The following ZC3H12B variants were observed in gnomAD, a reference collection of about 807,000 sequenced individuals.
The protein encoded by ZC3H12B is zinc finger CCCH-type containing 12B, also known as probable ribonuclease ZC3H12B.
A neutral mutation model predicts 43.9 loss-of-function variants in ZC3H12B; 7 were observed. That is an observed-to-expected ratio of 0.16 (90% CI 0.09 to 0.30). The LOEUF is 0.30. ZC3H12B is among the 10% of genes least tolerant of loss of function. The probability of loss-of-function intolerance (pLI) is 1.00; values close to 1 mark genes in which losing one functional copy is unlikely to be tolerated. For missense variants in ZC3H12B, 475 were observed against 670.2 expected (o/e 0.71, Z 3.22); for synonymous variants, 222 against 241.7 (o/e 0.92, Z 0.76).
At chrX:65,163,757 C>T in the ZC3H12B span, among the ~76,000 whole-genome samples, 7 of 111,589 alleles carry the variant, frequency 6.3e-5, no homozygotes, top group East Asian at 2.8e-4. Flanking sequence ...CTTCAGCTCA[C>T]GCATGTTGCA....
At chrX:65,433,937 C>A (rs1354879493) in intron 3 of ZC3H12B, among the ~76,000 whole-genome samples, 1 of 111,612 alleles carries the variant, frequency 9.0e-6, no homozygotes, top group African/African-American at 3.3e-5. Context: ...TGGAAGTTTT[C>A]TCCTCGTATT....
At chrX:65,332,703 C>T in the ZC3H12B span, among the ~76,000 whole-genome samples, 1 of 111,685 alleles carries the variant, frequency 9.0e-6, no homozygotes, top group Non-Finnish European at 1.9e-5. Context: ...AAAAAAGAAA[C>T]TCAAAAACAA....
At chrX:65,102,123 A>G in the ZC3H12B span, among the ~76,000 whole-genome samples, 1 of 111,916 alleles carries the variant, frequency 8.9e-6, no homozygotes, top group Non-Finnish European at 1.9e-5. Flanking sequence ...AACAGAACCA[A>G]TGAGAAAAAC....
chrX:65,264,809 A>G, the ZC3H12B span, among the ~76,000 whole-genome samples: 1 of 111,836 alleles, frequency 8.9e-6, no homozygotes, highest in Non-Finnish European at 1.9e-5. Context: ...GTCTGCTGGT[A>G]GAATTAGTTG....
the ZC3H12B span, among the ~76,000 whole-genome samples, chrX:65,110,350 A>T: frequency 9.1e-6 from 1 of 109,655 alleles, no homozygotes; most frequent in African/African-American, 3.3e-5. Context: ...GTTAAGTCTA[A>T]AAATTCTGCC....
At chrX:65,250,243 A>C in the ZC3H12B span, among the ~76,000 whole-genome samples, 1 of 111,329 alleles carries the variant, frequency 9.0e-6, no homozygotes, top group Non-Finnish European at 1.9e-5. Flanking sequence ...AGCTTCATCC[A>C]TGTCCCTACA....
At chrX:65,174,115 C>T in the ZC3H12B span, among the ~76,000 whole-genome samples, 3 of 111,193 alleles carry the variant, frequency 2.7e-5, no homozygotes. Context: ...CCTCTGGAAT[C>T]TTCATCCCAG....
chrX:65,404,599 G>A (rs761824258), intron 3 of ZC3H12B, among the ~76,000 whole-genome samples: 3 of 111,506 alleles, frequency 2.7e-5, no homozygotes, highest in Non-Finnish European at 5.7e-5. Context: ...ACTATAAGAA[G>A]AGACAAAGAA....
chrX:65,195,081 A>G, the ZC3H12B span, among the ~76,000 whole-genome samples: 3 of 98,271 alleles, frequency 3.1e-5, no homozygotes, highest in African/African-American at 1.2e-4. Flanking sequence ...GTTGTAGTGA[A>G]CAGATCATTG....
chrX:65,151,035 T>C, the ZC3H12B span, among the ~76,000 whole-genome samples: 1 of 112,349 alleles, frequency 8.9e-6, no homozygotes, highest in Non-Finnish European at 1.9e-5. Context: ...GCATTTGTTA[T>C]TGAATGTTTT....
chrX:65,413,003 G>A (rs2066921871), intron 3 of ZC3H12B, among the ~76,000 whole-genome samples: 1 of 110,592 alleles, frequency 9.0e-6, no homozygotes, highest in Non-Finnish European at 1.9e-5. Flanking sequence ...GAGTGAAGTT[G>A]TACTCTATTG....
chrX:65,342,837 CAA>C, the ZC3H12B span, among the ~76,000 whole-genome samples: 10 of 55,522 alleles, frequency 1.8e-4, no homozygotes, highest in Non-Finnish European at 1.7e-4. Flanking sequence ...GAGACTGAGA[CAA>C]AAAAAAAAAA....
chrX:65,129,275 A>G, the ZC3H12B span, among the ~76,000 whole-genome samples: 2 of 92,734 alleles, frequency 2.2e-5, no homozygotes, highest in Middle Eastern at 5.1e-3. Context: ...ATATATATAC[A>G]TATATACACA....
At chrX:65,150,140 C>T in the ZC3H12B span, among the ~76,000 whole-genome samples, 1 of 110,917 alleles carries the variant, frequency 9.0e-6, no homozygotes, top group Non-Finnish European at 1.9e-5. Context: ...CTCTTTTCCC[C>T]TTCCTTTCCT....
chrX:65,209,849 A>G, the ZC3H12B span, among the ~76,000 whole-genome samples: 1 of 99,678 alleles, frequency 1.0e-5, no homozygotes, highest in African/African-American at 4.1e-5. Flanking sequence ...TGGTGCTGGG[A>G]AAACTGGCTA....
intron 2 of ZC3H12B, among the ~76,000 whole-genome samples, chrX:65,377,466 C>T (rs1484461123): frequency 1.8e-5 from 2 of 110,087 alleles, no homozygotes; most frequent in African/African-American, 6.6e-5. Flanking sequence ...CCCCAAGGCA[C>T]TTAATAATCA....
the ZC3H12B span, among the ~76,000 whole-genome samples, chrX:65,308,312 G>A: frequency 9.1e-6 from 1 of 110,249 alleles, no homozygotes; most frequent in African/African-American, 3.3e-5. Context: ...CCAAGCAGAT[G>A]GAAAGCAAAA....
At chrX:65,501,719 TTA>T in intron 4 of ZC3H12B, 68 bp from the exon 10 acceptor site, 1 of 1,029,356 alleles carries the variant, frequency 9.7e-7, no homozygotes, top group Non-Finnish European at 1.3e-6. Context: ...GACCAGATTG[TTA>T]CAACAGTTTT....
chrX:65,459,035 T>C (rs1018850643), intron 3 of ZC3H12B, among the ~76,000 whole-genome samples: 1 of 111,152 alleles, frequency 9.0e-6, no homozygotes, highest in Admixed American at 9.6e-5. Context: ...ATATCACCAC[T>C]GATCCCACAG....
Sources: gnomAD v4.1 joint callset for allele counts (sites outside exome capture counted in the v4.1 genomes callset) on GRCh38, gnomAD v4.1.1 for gene constraint, MANE v1.5 for transcripts, NCBI Gene and HGNC (gene_info 2026-07-23, HGNC 2026-07-21) for gene names.